Variants in MOK observed in about 807,000 individuals in gnomAD.
The protein encoded by MOK is MOK protein kinase.
MOK carries 59 observed loss-of-function variants against 54.2 expected under a neutral mutation model. The observed-to-expected ratio is 1.09, with a 90% CI of 0.88 to 1.35. MOK has a LOEUF of 1.35. MOK is among the 40% of genes most tolerant of loss of function. The pLI is 0.00. For missense variants in MOK, 517 were observed against 526.2 expected, an observed-to-expected ratio of 0.98 and a Z score of 0.17; for synonymous variants, 210 against 202.7, an observed-to-expected ratio of 1.04 and a Z score of -0.31.
At chr14:102,243,943 G>A (rs1027440265) in intron 7 of MOK, among the ~76,000 whole-genome samples, 1 of 152,168 alleles carries the variant, frequency 6.6e-6, no homozygotes, top group Admixed American at 6.5e-5. Flanking sequence ...CAAACTCATT[G>A]CTTTAACTCA....
At chr14:102,303,987 TAA>T (rs1045152321) in intron 1 of MOK, among the ~76,000 whole-genome samples, 1 of 152,250 alleles carries the variant, frequency 6.6e-6, no homozygotes, top group South Asian at 2.1e-4. Flanking sequence ...AGTAAAAGTG[TAA>T]AGTCTTTTGT....
downstream of MOK, chr14:102,222,721 C>T (rs1011958130): frequency 2.1e-5 from 25 of 1,165,496 alleles, no homozygotes; most frequent in African/African-American, 4.5e-5. The surrounding 1 kb of genome is among the most constrained non-coding windows in gnomAD (Gnocchi z 4.4). Flanking sequence ...CTGGCTTCCA[C>T]ATCAACAGCA....
chr14:102,288,576 A>G (rs1219537915), intron 1 of MOK, among the ~76,000 whole-genome samples: 4 of 152,228 alleles, frequency 2.6e-5, no homozygotes, highest in African/African-American at 9.6e-5. Flanking sequence ...CTTTTGGGGT[A>G]CAGGTTTCTT....
rs1244125859 is a variant in MOK at position 102,245,677 on chromosome 14, C to T, written c.590+5135G>A. On this transcript the variant is annotated intron_variant, in intron 7 of 11. Coordinates refer to ENST00000361847, the MANE Select transcript of MOK (RefSeq NM_014226.3). This position sits in a 1 kb window ranked among gnomAD's most constrained non-coding sequence, Gnocchi z 4.3. ...TATCTCCCTTCGATGATTCTCTTTT[C>T]GGACTCAGCCCGCCTGCACCCAGGT... is the stretch of plus-strand genomic sequence containing the variant. 6.6e-6 allele frequency among the ~76,000 whole-genome samples: 1 copy of T among 152,094 alleles called. No homozygotes were observed. Among genetic ancestry groups the T allele is most frequent in the African/African-American group, 2.4e-5 (1 of 41,410 alleles).
intron 1 of MOK, among the ~76,000 whole-genome samples, chr14:102,298,823 ACTGCAAAGGTCTGTAG>A (rs1272369993): frequency 3.3e-5 from 5 of 152,162 alleles, no homozygotes; most frequent in Admixed American, 3.3e-4. Context: ...TGCAACACTC[ACTGCAAAGGTCTGTAG>A]CTTCTCTCCT....
intron 2 of MOK, among the ~76,000 whole-genome samples, chr14:102,272,550 T>G (rs2068464840): frequency 6.6e-6 from 1 of 151,934 alleles, no homozygotes; most frequent in Middle Eastern, 3.4e-3. Flanking sequence ...TCCAGGAACA[T>G]GTAAAACTGA....
chr14:102,280,193 G>A lies in MOK; in HGVS notation c.122+3285C>T, dbSNP rs113219888. On this transcript the variant is annotated intron_variant, in intron 2 of 11. Transcript: ENST00000361847. ...GCATACCAAAAGTGCCTGGTCCAGCGGAATTTCGGCTTCCTTGTCAAAGAA... is the reference window on the plus strand; with the variant it reads ...GCATACCAAAAGTGCCTGGTCCAGCAGAATTTCGGCTTCCTTGTCAAAGAA... Among the ~76,000 whole-genome samples the A allele has an allele frequency of 7.9e-5, 12 of 151,970 alleles. 1 individual carries two copies. Among genetic ancestry groups the A allele is most frequent in the African/African-American group, 2.7e-4 (11 of 41,468 alleles).
intron 2 of MOK, among the ~76,000 whole-genome samples, chr14:102,266,638 A>C (rs1162345110): frequency 6.6e-6 from 1 of 151,998 alleles, no homozygotes; most frequent in Non-Finnish European, 1.5e-5. Context: ...GCTGGAGTGC[A>C]ATGGTGTGAT....
intron 1 of MOK, among the ~76,000 whole-genome samples, chr14:102,297,020 T>C (rs1283699462): frequency 6.6e-6 from 1 of 151,906 alleles, no homozygotes; most frequent in Non-Finnish European, 1.5e-5. Context: ...ATCACACCAC[T>C]GCACTCCAGC....
At chr14:102,273,094 C>T (rs1032722647) in intron 2 of MOK, among the ~76,000 whole-genome samples, 8 of 151,668 alleles carry the variant, frequency 5.3e-5, no homozygotes, top group Admixed American at 2.6e-4. Context: ...CACTTGAACC[C>T]GGGAGGTGGA....
rs886655745 is a variant in MOK, at chr14:102,235,518, C to T, written c.591-1729G>A. On this transcript the variant is annotated intron_variant, in intron 7 of 11. Transcript: ENST00000361847. This position sits in a 1 kb window ranked among gnomAD's most constrained non-coding sequence, Gnocchi z 4.4. ...CTGCAGTTCCCTGAGAAGAGCGTAC[C>T]TGGGCGTATCAACCCACAGGCCCCT... is the stretch of plus-strand genomic sequence containing the variant. 1 of 152,248 alleles carries T rather than the reference C, an allele frequency of 6.6e-6. No homozygotes were observed. Among genetic ancestry groups the T allele is most frequent in the Non-Finnish European group, 1.5e-5 (1 of 68,068 alleles). 9.4% of individuals were successfully genotyped at this position (152,248 alleles called of 1,614,324 possible). A position where few individuals can be genotyped will look rare whatever the true frequency, so the allele number is the denominator to read the frequency against.
chr14:102,269,406 G>A (rs887988687), intron 2 of MOK, among the ~76,000 whole-genome samples: 3 of 149,668 alleles, frequency 2.0e-5, no homozygotes, highest in Admixed American at 6.7e-5. Flanking sequence ...GGCTGGTCTC[G>A]ACCCCCAACC....
intron 1 of MOK, among the ~76,000 whole-genome samples, chr14:102,291,268 A>G (rs2070734057): frequency 6.6e-6 from 1 of 152,158 alleles, no homozygotes; most frequent in Admixed American, 6.6e-5. Context: ...AAATCCTAAA[A>G]CCAGGCAATA....
At chr14:102,229,780 ACTGG>A in intron 10 of MOK, 123 bp from the exon 11 acceptor site, 1 of 878,368 alleles carries the variant, frequency 1.1e-6, no homozygotes, top group Non-Finnish European at 1.7e-6. Context: ...ATAAGATGTG[ACTGG>A]GACACATCCA....
At chr14:102,219,030 G>A in the MOK span, among the ~76,000 whole-genome samples, 1 of 152,192 alleles carries the variant, frequency 6.6e-6, no homozygotes, top group Non-Finnish European at 1.5e-5. Flanking sequence ...GCGGATTGGG[G>A]CAGCAGGGTC....
intron 1 of MOK, among the ~76,000 whole-genome samples, chr14:102,294,737 T>C (rs572565332): frequency 6.6e-6 from 1 of 152,338 alleles, no homozygotes; most frequent in East Asian, 1.9e-4. Flanking sequence ...AATTCCAATT[T>C]GTGTTTCATC....
At chr14:102,218,936 G>C in the MOK span, among the ~76,000 whole-genome samples, 1 of 152,328 alleles carries the variant, frequency 6.6e-6, no homozygotes, top group African/African-American at 2.4e-5. Flanking sequence ...GTCCTCCGTC[G>C]GCCGGGCCGG....
intron 4 of MOK, chr14:102,260,467 A>C (rs2067298191): frequency 6.6e-6 from 1 of 152,208 alleles, no homozygotes; most frequent in Non-Finnish European, 1.5e-5. Context: ...ACTGTTAGCT[A>C]TTATCATTAT....
At chr14:102,254,110 G>A (rs555833759) in intron 4 of MOK, among the ~76,000 whole-genome samples, 3 of 151,844 alleles carry the variant, frequency 2.0e-5, no homozygotes, top group African/African-American at 4.8e-5. Flanking sequence ...TCAGCCTCTC[G>A]AGTAGTTGGA....
Sources: gnomAD v4.1 joint callset for allele counts (sites outside exome capture counted in the v4.1 genomes callset) on GRCh38, gnomAD v4.1.1 for gene constraint, Gnocchi (gnomAD v3.1) non-coding constraint, MANE v1.5 for transcripts, NCBI Gene and HGNC (gene_info 2026-07-23, HGNC 2026-07-21) for gene names.